The following CD163L1 variants were observed in gnomAD, a reference collection of about 807,000 sequenced individuals.
CD163L1 encodes the protein CD163 molecule like 1, also known as scavenger receptor cysteine-rich type 1 protein M160.
CD163L1 carries 124 observed loss-of-function variants against 165.4 expected under a neutral mutation model. The ratio of observed to expected loss-of-function variants is 0.75; its 90% CI spans 0.65 to 0.87. The LOEUF is 0.87. Among genes scored for constraint, CD163L1 ranks in the 40% least tolerant of loss-of-function variants. CD163L1 has a pLI of 0.00. For synonymous variants in CD163L1, 585 were observed against 662.2 expected, an observed-to-expected ratio of 0.88 and a Z score of 1.79; for missense variants, 1,525 against 1,799.9, an observed-to-expected ratio of 0.85 and a Z score of 2.76.
Position 7,433,430 on chromosome 12 carries a change from CG to C in CD163L1, c.388del (p.Arg130GlyfsTer16). ...NESALWECQH[R>X]EWGSHNCYHG... The stretch of plus-strand genomic sequence containing the variant: ...ATAACAGTTATGGCTTCCCCATTCC[CG>C]GTGTTGACATTCCCAGAGAGCTGAC... On this transcript the variant is annotated frameshift_variant, in exon 3 of 20. Coordinates refer to ENST00000313599, the MANE Select transcript of CD163L1 (RefSeq NM_174941.6). LOFTEE classifies it high-confidence loss of function. 6.2e-7 allele frequency: 1 copy of C among 1,612,666 alleles called. No homozygotes were observed. The highest frequency in any genetic ancestry group is 8.5e-7 in the Non-Finnish European group (1 of 1,179,196).
At position 7,398,508 on chromosome 12, in the gene CD163L1, T is replaced by C; in HGVS notation, c.1485A>G (p.Gly495=). The C allele has an allele frequency of 6.2e-7, 1 of 1,613,614 alleles. No homozygotes were observed. The highest frequency in any genetic ancestry group is 8.5e-7 in the Non-Finnish European group (1 of 1,179,774). The change falls in exon 7 of 20, where the codon GGA becomes GGG. Residue 495 remains glycine (G), a synonymous_variant. Transcript: ENST00000313599. This position sits in a 1 kb window ranked among gnomAD's most constrained non-coding sequence, Gnocchi z 4.5. ...TGTCATGACACACAGTCCCCCACTCTCCTTGGTATTTCACCTCCAATCTCC... is the reference window on the plus strand; with the variant it reads ...TGTCATGACACACAGTCCCCCACTCCCCTTGGTATTTCACCTCCAATCTCC... ...CYGRLEVKYQ[G]EWGTVCHDRW...
At position 7,375,905 on chromosome 12, in the gene CD163L1, A is replaced by C. The variant is rs769837321; in HGVS notation, c.2481T>G (p.His827Gln). The part of the protein sequence containing the change: ...RSVCDSDFSL[H>Q]AANVLCRELN... Reference sequence around the variant, plus strand: ...ATTCTCTGCACAGCACATTGGCAGCATGAAGAGAGAAATCAGAATCACAGA... The same window carrying C: ...ATTCTCTGCACAGCACATTGGCAGCCTGAAGAGAGAAATCAGAATCACAGA... Residue 827 changes from histidine to glutamine, a missense_variant, in exon 10 of 20, where the codon CAT becomes CAG. Transcript: ENST00000313599. The C allele has an allele frequency of 9.9e-6, 16 of 1,614,250 alleles. No individual in the cohort carries two copies. The East Asian group carries it at 3.6e-4, about 36-fold the overall frequency.
chr12:7,322,383 C>T, the CD163L1 span: 1 of 1,612,440 alleles, frequency 6.2e-7, no homozygotes, highest in Admixed American at 1.7e-5. Context: ...ACTCAGGTTC[C>T]TCTTGAAAAG....
intron 4 of CD163L1, among the ~76,000 whole-genome samples, chr12:7,411,227 GAATA>G (rs1476903658): frequency 7.9e-5 from 12 of 152,104 alleles, no homozygotes; most frequent in African/African-American, 2.7e-4. Context: ...CCTTTTTAAA[GAATA>G]AATAATTATG....
At chr12:7,380,390 T>TACATACATGTATGTGTGTATAC (rs1565784373) in intron 8 of CD163L1, among the ~76,000 whole-genome samples, 8 of 41,404 alleles carry the variant, frequency 1.9e-4, no homozygotes, top group Non-Finnish European at 6.6e-4. Context: ...TGTGTGTATA[T>TACATACATGTATGTGTGTATAC]GCGTATACAC....
intron 18 of CD163L1, 77 bp from the exon 19 acceptor site, chr12:7,357,563 T>C: frequency 1.7e-6 from 2 of 1,197,272 alleles, no homozygotes; most frequent in Non-Finnish European, 1.2e-6. Flanking sequence ...AAGTGCAGTG[T>C]TTGATCAGCT....
At chr12:7,442,674 T>G (rs146287032) in intron 1 of CD163L1, among the ~76,000 whole-genome samples, 13 of 152,330 alleles carry the variant, frequency 8.5e-5, no homozygotes, top group Admixed American at 6.5e-4. Context: ...TAAGTTGGTC[T>G]TCTTTTTTCT....
intron 3 of CD163L1, 112 bp downstream of exon 3, chr12:7,433,262 C>G: frequency 1.1e-6 from 1 of 879,140 alleles, no homozygotes; most frequent in Non-Finnish European, 1.7e-6. Flanking sequence ...AAAATATTTC[C>G]TACACCTCCC....
chr12:7,401,366 T>C (rs1411292166), intron 6 of CD163L1, among the ~76,000 whole-genome samples: 1 of 151,862 alleles, frequency 6.6e-6, no homozygotes, highest in Non-Finnish European at 1.5e-5. Flanking sequence ...TATGATATAG[T>C]GGAATAATAG....
intron 1 of CD163L1, among the ~76,000 whole-genome samples, chr12:7,441,626 C>T (rs1314515533): frequency 6.6e-6 from 1 of 152,152 alleles, no homozygotes; most frequent in Non-Finnish European, 1.5e-5. Flanking sequence ...AACGTTATCC[C>T]CCTACTTTGT....
At chr12:7,345,905 C>T (rs35837628), downstream of CD163L1, among the ~76,000 whole-genome samples, 63,095 of 151,766 alleles carry the variant, frequency 0.42, 14,384 homozygotes, top group Non-Finnish European at 0.52. Context: ...AGAGCAGGGA[C>T]GTGCCACACT....
intron 2 of CD163L1, among the ~76,000 whole-genome samples, chr12:7,435,147 C>T (rs907452397): frequency 6.6e-6 from 1 of 151,790 alleles, no homozygotes; most frequent in African/African-American, 2.4e-5. Context: ...TCTATTTTTT[C>T]AATATACTGA....
At chr12:7,380,344 T>TACATGTATGTGTGTATATGCGTATACAC (rs1947364391) in intron 8 of CD163L1, among the ~76,000 whole-genome samples, 3 of 141,470 alleles carry the variant, frequency 2.1e-5, no homozygotes, top group Non-Finnish European at 4.7e-5. Context: ...CACGTATACA[T>TACATGTATGTGTGTATATGCGTATACAC]ACATGTATGT....
At chr12:7,328,151 T>C in the CD163L1 span, 1 of 588,604 alleles carries the variant, frequency 1.7e-6, no homozygotes, top group Non-Finnish European at 2.9e-6. Flanking sequence ...CTGGTGTCCA[T>C]GAAATTCAAT....
At chr12:7,373,782 A>T (rs1314197325) in intron 13 of CD163L1, 142 bp from the exon 14 acceptor site, 1 of 662,618 alleles carries the variant, frequency 1.5e-6, no homozygotes, top group African/African-American at 1.8e-5. Flanking sequence ...TATTAACAGC[A>T]TAAATCTGAT....
rs772605764 is a variant in CD163L1, at chr12:7,386,087, TAAAAG to T, written c.2051-6794_2051-6790del. Among the ~76,000 whole-genome samples the T allele has an allele frequency of 2.7e-3, 412 of 151,976 alleles. 2 individuals are homozygous for T. Among genetic ancestry groups the T allele is most frequent in the African/African-American group, 9.5e-3 (393 of 41,536 alleles). ...CTTTTTGAAAAGATCAAACTTTTGC[TAAAAG>T]AAGAGTGAAGATTCAAATAAAAATC... On this transcript the variant is annotated intron_variant, in intron 8 of 19. Coordinates refer to ENST00000313599, the MANE Select transcript of CD163L1 (RefSeq NM_174941.6).
chr12:7,393,090 G>T (rs1478229972), intron 8 of CD163L1, among the ~76,000 whole-genome samples: 2 of 152,112 alleles, frequency 1.3e-5, no homozygotes, highest in African/African-American at 4.8e-5. Context: ...ACATCATCCT[G>T]ATACCAAAGC....
downstream of CD163L1, among the ~76,000 whole-genome samples, chr12:7,345,533 G>A (rs117509863): frequency 3.5e-3 from 531 of 152,292 alleles, 4 homozygotes; most frequent in East Asian, 0.016. Context: ...TCTCTAAGAA[G>A]TTGCAAACTT....
chr12:7,398,422 T>C lies in CD163L1; in HGVS notation c.1571A>G (p.His524Arg), dbSNP rs750808063. The C allele has an allele frequency of 6.2e-7, 1 of 1,614,122 alleles. No individual in the cohort carries two copies. Among genetic ancestry groups the C allele is most frequent in the Non-Finnish European group, 8.5e-7 (1 of 1,180,008 alleles). The change falls in exon 7 of 20, where the codon CAT becomes CGT. Residue 524 changes from histidine to arginine, a missense_variant. Coordinates refer to ENST00000313599, the MANE Select transcript of CD163L1 (RefSeq NM_174941.6). The surrounding 1 kb of genome is among the most constrained non-coding windows in gnomAD (Gnocchi z 4.5). ...CKQLGCGKPLHVFGMTYFKEA... is the reference protein window; with the variant it reads ...CKQLGCGKPLRVFGMTYFKEA... ...TTTAAAATAGGTCATACCAAACACA[T>C]GCAAAGGCTTTCCACATCCCAATTG...
Sources: gnomAD v4.1 joint callset for allele counts (sites outside exome capture counted in the v4.1 genomes callset) on GRCh38, gnomAD v4.1.1 for gene constraint, Gnocchi (gnomAD v3.1) non-coding constraint, MANE v1.5 for transcripts, NCBI Gene and HGNC (gene_info 2026-07-23, HGNC 2026-07-21) for gene names.